Variants in ST8SIA4 observed in about 807,000 individuals in gnomAD.
The protein encoded by ST8SIA4 is ST8 alpha-N-acetyl-neuraminide alpha-2,8-sialyltransferase 4.
In ST8SIA4, 15 loss-of-function variants were observed where a neutral mutation model predicts 33.9. That is an observed-to-expected ratio of 0.44 (90% CI 0.30 to 0.68). The LOEUF (loss-of-function observed/expected upper bound fraction) is 0.68. Among genes scored for constraint, ST8SIA4 ranks in the 30% least tolerant of loss-of-function variants. The pLI is 0.10. For synonymous variants in ST8SIA4, 171 were observed against 151.2 expected, an observed-to-expected ratio of 1.13 and a Z score of -0.96; for missense variants, 321 against 428.0, an observed-to-expected ratio of 0.75 and a Z score of 2.21.
chr5:100,834,652 A>G (rs879389645), intron 4 of ST8SIA4, among the ~76,000 whole-genome samples: 1 of 152,044 alleles, frequency 6.6e-6, no homozygotes, highest in Non-Finnish European at 1.5e-5. Flanking sequence ...AGGTGATTGG[A>G]TCATGTGGGT....
In ST8SIA4 at chr5:100,865,811, T is replaced by C. The variant is rs182911703; in HGVS notation, c.504-9415A>G. Reference sequence around the variant, plus strand: ...TACCACCAAAATGTGACCCTTCCTATTTACTCTTCTTGCCACTGTCCAATT... The same window carrying C: ...TACCACCAAAATGTGACCCTTCCTACTTACTCTTCTTGCCACTGTCCAATT... On this transcript the variant is annotated intron_variant, in intron 3 of 4. Transcript: ENST00000231461. Among the ~76,000 whole-genome samples, 26 of 152,240 alleles carry C rather than the reference T, an allele frequency of 1.7e-4. No individual in the cohort carries two copies. The East Asian group carries it at 4.2e-3, about 25-fold the overall frequency.
intron 3 of ST8SIA4, among the ~76,000 whole-genome samples, chr5:100,880,641 G>T (rs944106468): frequency 6.6e-6 from 1 of 152,154 alleles, no homozygotes. Context: ...AATGCAACCC[G>T]TCACATCAGT....
intron 3 of ST8SIA4, among the ~76,000 whole-genome samples, chr5:100,860,433 G>A (rs747471477): frequency 3.9e-5 from 6 of 152,074 alleles, no homozygotes; most frequent in Non-Finnish European, 5.9e-5. Context: ...AGCTTGAGGA[G>A]CAAATAGAAC....
chr5:100,864,586 A>G (rs1752023545), intron 3 of ST8SIA4, among the ~76,000 whole-genome samples: 1 of 149,994 alleles, frequency 6.7e-6, no homozygotes, highest in Admixed American at 6.6e-5. Flanking sequence ...AAAAAAAAAA[A>G]AAAAAAAAAA....
intron 4 of ST8SIA4, among the ~76,000 whole-genome samples, chr5:100,841,121 T>C (rs545294015): frequency 2.6e-5 from 4 of 152,056 alleles, no homozygotes; most frequent in African/African-American, 4.8e-5. Flanking sequence ...TTTGTTGTCA[T>C]GTTGGTAATT....
At chr5:100,821,948 G>C (rs1751040553) in intron 4 of ST8SIA4, among the ~76,000 whole-genome samples, 1 of 152,148 alleles carries the variant, frequency 6.6e-6, no homozygotes, top group Non-Finnish European at 1.5e-5. Context: ...GAGCATATAA[G>C]AAAGGGAACT....
intron 3 of ST8SIA4, among the ~76,000 whole-genome samples, chr5:100,869,624 C>T (rs1175150539): frequency 2.0e-5 from 3 of 151,982 alleles, no homozygotes; most frequent in African/African-American, 7.2e-5. Flanking sequence ...CAGTATGTTT[C>T]TCTTCTGTTT....
chr5:100,839,871 A>G (rs1178749430), intron 4 of ST8SIA4, among the ~76,000 whole-genome samples: 2 of 151,868 alleles, frequency 1.3e-5, no homozygotes, highest in African/African-American at 2.4e-5. Context: ...CTGAGTGTCT[A>G]TTTTTGAGCA....
At chr5:100,837,204 T>C (rs1412451669) in intron 4 of ST8SIA4, among the ~76,000 whole-genome samples, 1 of 152,054 alleles carries the variant, frequency 6.6e-6, no homozygotes, top group Non-Finnish European at 1.5e-5. Context: ...TTAAATACTT[T>C]TTCTTTGTCC....
chr5:100,821,481 T>C (rs1370870209), intron 4 of ST8SIA4, among the ~76,000 whole-genome samples: 2 of 152,178 alleles, frequency 1.3e-5, no homozygotes, highest in African/African-American at 4.8e-5. Flanking sequence ...TATAAACAAC[T>C]CTTCTAATGG....
At chr5:100,853,466 G>A (rs146635509) in intron 4 of ST8SIA4, among the ~76,000 whole-genome samples, 124 of 152,322 alleles carry the variant, frequency 8.1e-4, no homozygotes, top group African/African-American at 2.9e-3. Context: ...GGAAGGTGGA[G>A]AGAGAAGTTA....
intron 3 of ST8SIA4, among the ~76,000 whole-genome samples, chr5:100,857,606 C>T (rs887324472): frequency 6.6e-6 from 1 of 151,904 alleles, no homozygotes; most frequent in Non-Finnish European, 1.5e-5. Flanking sequence ...TGTTTGGCTA[C>T]ATTATGAAAG....
At chr5:100,850,167 A>G (rs1352744473) in intron 4 of ST8SIA4, among the ~76,000 whole-genome samples, 1 of 152,208 alleles carries the variant, frequency 6.6e-6, no homozygotes, top group African/African-American at 2.4e-5. Context: ...TATATGAAAT[A>G]TCTTTAAAAA....
chr5:100,834,509 T>G (rs1449130418), intron 4 of ST8SIA4, among the ~76,000 whole-genome samples: 1 of 152,168 alleles, frequency 6.6e-6, no homozygotes, highest in Non-Finnish European at 1.5e-5. Context: ...TTTCTCTTAT[T>G]GTTTATTACT....
intron 3 of ST8SIA4, among the ~76,000 whole-genome samples, chr5:100,880,315 A>G (rs1752390554): frequency 6.6e-6 from 1 of 152,188 alleles, no homozygotes; most frequent in Admixed American, 6.5e-5. Context: ...AAATACATAA[A>G]TGGAAGGGTA....
chr5:100,829,323 G>C (rs1751205848), intron 4 of ST8SIA4, among the ~76,000 whole-genome samples: 1 of 152,164 alleles, frequency 6.6e-6, no homozygotes, highest in Non-Finnish European at 1.5e-5. Flanking sequence ...TCATGGATTA[G>C]AAATTTAAAC....
chr5:100,876,281 A>G (rs976306899), intron 3 of ST8SIA4, among the ~76,000 whole-genome samples: 31 of 152,064 alleles, frequency 2.0e-4, no homozygotes, highest in Non-Finnish European at 1.5e-5. Context: ...CAGAATTCCT[A>G]TCAATCTTTG....
intron 4 of ST8SIA4, among the ~76,000 whole-genome samples, chr5:100,817,558 A>G (rs185993113): frequency 6.4e-4 from 97 of 152,286 alleles, no homozygotes; most frequent in African/African-American, 2.3e-3. Flanking sequence ...TTTCTTCCCT[A>G]CTGTTAAAAT....
chr5:100,868,188 C>A (rs1233111730), intron 3 of ST8SIA4, among the ~76,000 whole-genome samples: 4 of 151,968 alleles, frequency 2.6e-5, no homozygotes, highest in Admixed American at 2.6e-4. Flanking sequence ...ATTTTTCAAA[C>A]AATTAACTAG....
Sources: gnomAD v4.1 joint callset for allele counts (sites outside exome capture counted in the v4.1 genomes callset) on GRCh38, gnomAD v4.1.1 for gene constraint, MANE v1.5 for transcripts, NCBI Gene and HGNC (gene_info 2026-07-23, HGNC 2026-07-21) for gene names.